Variants in TCAIM observed in about 807,000 individuals in gnomAD.
The protein encoded by TCAIM is T cell activation inhibitor, mitochondrial, also known as T-cell activation inhibitor, mitochondrial.
TCAIM carries 36 observed loss-of-function variants against 58.6 expected under a neutral mutation model. The observed-to-expected ratio is 0.61, with a 90% CI of 0.47 to 0.81. The LOEUF (loss-of-function observed/expected upper bound fraction) is 0.81. Ranked by LOEUF, TCAIM falls within the 30% of genes least tolerant of loss-of-function variation. The pLI, the probability that TCAIM is intolerant of heterozygous loss-of-function variation, is 0.00. For missense variants in TCAIM, 466 were observed against 579.6 expected (o/e 0.80, Z 2.01); for synonymous variants, 172 against 193.6 (o/e 0.89, Z 0.93).
At chr3:44,395,107 T>C (rs1452024637) in intron 6 of TCAIM, among the ~76,000 whole-genome samples, 3 of 150,848 alleles carry the variant, frequency 2.0e-5, no homozygotes, top group African/African-American at 7.3e-5. Context: ...CATTAACTAA[T>C]GACATTGTTT....
intron 5 of TCAIM, among the ~76,000 whole-genome samples, chr3:44,369,778 A>G (rs1456770297): frequency 6.6e-6 from 1 of 152,234 alleles, no homozygotes; most frequent in Non-Finnish European, 1.5e-5. Flanking sequence ...GTGTCTACTA[A>G]TCTACTTCAT....
In TCAIM at chr3:44,396,845, G is replaced by A. The variant is rs764663085; in HGVS notation, c.885+11G>A. ...CACCACTGGACAAAAGTAAGAAAGA[G>A]CCTTAAAATTAAAAACTCCTTGTCA... is the stretch of plus-strand genomic sequence containing the variant. On this transcript the variant is annotated intron_variant, in intron 8 of 10. Coordinates refer to ENST00000342649, the MANE Select transcript of TCAIM (RefSeq NM_173826.4). 8 of 1,610,218 alleles carry A rather than the reference G, an allele frequency of 5.0e-6. No individual in the cohort carries two copies. Among genetic ancestry groups the A allele is most frequent in the African/African-American group, 1.3e-5 (1 of 74,796 alleles).
intron 9 of TCAIM, 120 bp downstream of exon 9, chr3:44,400,707 C>T: frequency 2.4e-6 from 2 of 850,614 alleles, no homozygotes; most frequent in South Asian, 1.6e-5. Flanking sequence ...GAAAAAAATG[C>T]CACTACTTGT....
At chr3:44,354,665 G>T in intron 1 of TCAIM, 74 bp from the exon 2 acceptor site, 1 of 986,566 alleles carries the variant, frequency 1.0e-6, no homozygotes, top group South Asian at 1.7e-5. Flanking sequence ...ATTTTGGGGT[G>T]ATAATATAAA....
chr3:44,353,736 T>A (rs1420269661), intron 1 of TCAIM, among the ~76,000 whole-genome samples: 2 of 152,204 alleles, frequency 1.3e-5, no homozygotes, highest in Non-Finnish European at 2.9e-5. Flanking sequence ...CTTGGTGAGG[T>A]GTCTGTTAAG....
At chr3:44,379,312 G>A (rs1309821382) in intron 5 of TCAIM, among the ~76,000 whole-genome samples, 1 of 152,164 alleles carries the variant, frequency 6.6e-6, no homozygotes, top group Admixed American at 6.5e-5. Flanking sequence ...AAGTAGTGTG[G>A]CAATTCCTCA....
chr3:44,380,454 A>G (rs1179994286), intron 5 of TCAIM, among the ~76,000 whole-genome samples: 6 of 152,170 alleles, frequency 3.9e-5, no homozygotes, highest in African/African-American at 1.2e-4. Context: ...AAACAAAAAC[A>G]CAATGTACCA....
intron 1 of TCAIM, among the ~76,000 whole-genome samples, chr3:44,346,413 C>A (rs1244147693): frequency 6.6e-6 from 1 of 152,130 alleles, no homozygotes; most frequent in Non-Finnish European, 1.5e-5. Context: ...TCTACCCAGA[C>A]CAAGAGGTAT....
intron 5 of TCAIM, among the ~76,000 whole-genome samples, chr3:44,388,337 G>T (rs1289544101): frequency 2.0e-5 from 3 of 152,012 alleles, no homozygotes; most frequent in African/African-American, 7.2e-5. Flanking sequence ...CTTTAATCTG[G>T]AACAGTTCCT....
chr3:44,339,563 G>A (rs1285116257), intron 1 of TCAIM: 1 of 152,030 alleles, frequency 6.6e-6, no homozygotes, highest in African/African-American at 2.4e-5. Flanking sequence ...ACAGATTTTA[G>A]GTAAAATTAG....
At chr3:44,357,000 A>G (rs564672623) in intron 2 of TCAIM, among the ~76,000 whole-genome samples, 42 of 150,758 alleles carry the variant, frequency 2.8e-4, no homozygotes, top group Middle Eastern at 7.1e-3. Flanking sequence ...GAATGAGAAT[A>G]TCAAGTTATC....
At chr3:44,368,498 A>G (rs1463203395) in intron 5 of TCAIM, among the ~76,000 whole-genome samples, 1 of 152,252 alleles carries the variant, frequency 6.6e-6, no homozygotes, top group Non-Finnish European at 1.5e-5. Context: ...AAAGGTAGGA[A>G]GGTAGCAGAG....
chr3:44,362,526 C>T (rs752996254), intron 4 of TCAIM: 23 of 400,246 alleles, frequency 5.7e-5, no homozygotes, highest in Non-Finnish European at 1.3e-5. Flanking sequence ...AGTATATGAT[C>T]TCTTACCTTT....
chr3:44,366,550 C>T lies in TCAIM; in HGVS notation c.320-906C>T, dbSNP rs563604871. Among the ~76,000 whole-genome samples the T allele has an allele frequency of 2.0e-4, 30 of 151,134 alleles. No individual in the cohort carries two copies. In the East Asian group the frequency reaches 5.3e-3, roughly 27 times the overall value. ...GCACGATCTCGGCTCACTGCAAGCTCCGCCTCCCGGGTTCACGCCATTCTC... is the reference window on the plus strand; with the variant it reads ...GCACGATCTCGGCTCACTGCAAGCTTCGCCTCCCGGGTTCACGCCATTCTC... On this transcript the variant is annotated intron_variant, in intron 4 of 10. Coordinates refer to ENST00000342649, the MANE Select transcript of TCAIM (RefSeq NM_173826.4).
At chr3:44,393,660 T>C (rs1328520319) in intron 6 of TCAIM, among the ~76,000 whole-genome samples, 2 of 152,042 alleles carry the variant, frequency 1.3e-5, no homozygotes, top group African/African-American at 4.8e-5. Context: ...CAGTGACTCA[T>C]ACCTGTAATT....
rs760844415 is a variant in TCAIM, at chr3:44,407,459, A to G, written c.1268A>G (p.Asn423Ser). Residue 423 changes from asparagine to serine, a missense_variant, in exon 11 of 11, where the codon AAT becomes AGT. Coordinates refer to ENST00000342649, the MANE Select transcript of TCAIM (RefSeq NM_173826.4). ...KRKEELKVIE[N>S]ELIQASTKKF... is the part of the protein sequence containing the mutation. ...TATAATAGGTTAAAGGTTATTGAAA[A>G]TGAATTGATACAGGCATCAACAAAG... 1.3e-6 allele frequency: 2 copies of G among 1,553,504 alleles called. No individual in the cohort carries two copies. The highest frequency in any genetic ancestry group is 1.4e-5 in the African/African-American group (1 of 73,198).
chr3:44,361,336 A>T, intron 3 of TCAIM, 29 bp from the exon 4 acceptor site: 1 of 1,560,000 alleles, frequency 6.4e-7, no homozygotes, highest in Non-Finnish European at 8.7e-7. Flanking sequence ...TCTATTTTGT[A>T]TGTAAATGCC....
At chr3:44,378,232 T>C (rs1701597045) in intron 5 of TCAIM, among the ~76,000 whole-genome samples, 2 of 151,484 alleles carry the variant, frequency 1.3e-5, no homozygotes, top group African/African-American at 4.8e-5. Flanking sequence ...AATACAAAAA[T>C]TAGTTGGGCA....
Position 44,367,582 on chromosome 3 carries a change from C to G in TCAIM, c.446C>G (p.Pro149Arg). Residue 149 changes from proline (P) to arginine (R), a missense_variant, in exon 5 of 11, where the codon CCT becomes CGT. Pro to Arg is a moderately radical substitution (Grantham distance 103). Coordinates refer to ENST00000342649, the MANE Select transcript of TCAIM (RefSeq NM_173826.4). ...QSLNTNMHTQ[P>R]LKEAKRMPDR... is the part of the protein sequence containing the mutation. ...TTGAATACTAATATGCATACCCAGC[C>G]TCTCAAAGAAGCTAAAAGGATGCCT... 1 of 1,614,092 alleles carries G rather than the reference C, an allele frequency of 6.2e-7. No individual in the cohort carries two copies. The highest frequency in any genetic ancestry group is 8.5e-7 in the Non-Finnish European group (1 of 1,180,010).
Sources: allele counts gnomAD v4.1 joint callset (sites outside exome capture counted in the v4.1 genomes callset), GRCh38; gene constraint gnomAD v4.1.1; transcripts MANE v1.5; gene names NCBI Gene and HGNC (gene_info 2026-07-23, HGNC 2026-07-21).